Variants in RSPO2 observed in about 807,000 individuals in gnomAD.
RSPO2 encodes the protein R-spondin 2.
In RSPO2, 14 loss-of-function variants were observed where a neutral mutation model predicts 30.9. That is an observed-to-expected ratio of 0.45 (90% CI 0.30 to 0.71). RSPO2 has a LOEUF of 0.71. RSPO2 is among the 30% of genes least tolerant of loss of function. RSPO2 has a pLI of 0.08. For synonymous variants in RSPO2, 107 were observed against 96.4 expected, an observed-to-expected ratio of 1.11 and a Z score of -0.64; for missense variants, 264 against 301.9, an observed-to-expected ratio of 0.87 and a Z score of 0.93.
intron 5 of RSPO2, among the ~76,000 whole-genome samples, chr8:107,927,482 A>C (rs1476219352): frequency 1.3e-5 from 2 of 152,148 alleles, no homozygotes; most frequent in African/African-American, 2.4e-5. Context: ...GCCAGTTTTC[A>C]AAGGGAATGC....
intron 5 of RSPO2, among the ~76,000 whole-genome samples, chr8:107,949,726 A>G (rs931150768): frequency 6.6e-6 from 1 of 152,198 alleles, no homozygotes; most frequent in Non-Finnish European, 1.5e-5. Flanking sequence ...AGAATTTGGG[A>G]AGTTGAGAGG....
chr8:108,024,016 T>C (rs1250710837), intron 2 of RSPO2, among the ~76,000 whole-genome samples: 2 of 152,142 alleles, frequency 1.3e-5, no homozygotes, highest in Admixed American at 6.5e-5. Context: ...ATGAATTAAA[T>C]TACTAAAATT....
intron 5 of RSPO2, among the ~76,000 whole-genome samples, chr8:107,903,390 G>T (rs1811540062): frequency 6.6e-6 from 1 of 152,082 alleles, no homozygotes; most frequent in African/African-American, 2.4e-5. Flanking sequence ...AGTTAAATAT[G>T]TACTACTTTC....
intron 5 of RSPO2, among the ~76,000 whole-genome samples, chr8:107,928,840 G>T (rs13439194): frequency 0.053 from 8,105 of 152,284 alleles, 353 homozygotes; most frequent in African/African-American, 0.12. Context: ...GTTTAGTCCG[G>T]TTCATGGCGT....
intron 5 of RSPO2, among the ~76,000 whole-genome samples, chr8:107,938,446 G>A (rs1812787819): frequency 6.6e-6 from 1 of 151,950 alleles, no homozygotes; most frequent in Non-Finnish European, 1.5e-5. Flanking sequence ...AACACAAAAG[G>A]TCATTTATTA....
chr8:107,950,704 G>T (rs1813213162), intron 5 of RSPO2, among the ~76,000 whole-genome samples: 1 of 149,256 alleles, frequency 6.7e-6, no homozygotes, highest in African/African-American at 2.5e-5. Context: ...CAACAGGTCA[G>T]TTGTAAAGCA....
intron 2 of RSPO2, among the ~76,000 whole-genome samples, chr8:108,079,948 G>A (rs551992579): frequency 1.3e-5 from 2 of 152,302 alleles, no homozygotes; most frequent in South Asian, 4.1e-4. Context: ...GACATGATTT[G>A]GCCAGTAGTC....
chr8:107,932,699 A>C (rs892192730), intron 5 of RSPO2, among the ~76,000 whole-genome samples: 3 of 152,150 alleles, frequency 2.0e-5, no homozygotes, highest in African/African-American at 7.2e-5. Flanking sequence ...ACAGATGGGC[A>C]GAAAGGTGAG....
intron 5 of RSPO2, among the ~76,000 whole-genome samples, chr8:107,906,928 A>G (rs1004302516): frequency 6.6e-6 from 1 of 151,980 alleles, no homozygotes; most frequent in Non-Finnish European, 1.5e-5. Context: ...AACATTTTAA[A>G]TCTACTCTTT....
chr8:107,984,505 AT>A (rs1814561062), intron 3 of RSPO2, among the ~76,000 whole-genome samples: 1 of 152,218 alleles, frequency 6.6e-6, no homozygotes, highest in Non-Finnish European at 1.5e-5. Flanking sequence ...ACTACTCATA[AT>A]GATAACCTCA....
chr8:108,004,974 T>C (rs946589519), intron 2 of RSPO2, among the ~76,000 whole-genome samples: 1 of 152,218 alleles, frequency 6.6e-6, no homozygotes, highest in Admixed American at 6.5e-5. Flanking sequence ...AGCTAATGTA[T>C]CATATTATGT....
chr8:108,036,422 T>C (rs1336202764), intron 2 of RSPO2, among the ~76,000 whole-genome samples: 1 of 152,216 alleles, frequency 6.6e-6, no homozygotes, highest in Non-Finnish European at 1.5e-5. Flanking sequence ...ACTGACCATC[T>C]TTCAAGTTTC....
intron 2 of RSPO2, among the ~76,000 whole-genome samples, chr8:108,004,604 C>T (rs1417902373): frequency 6.6e-6 from 1 of 152,172 alleles, no homozygotes; most frequent in Non-Finnish European, 1.5e-5. Flanking sequence ...CAAAAGCAAC[C>T]TGCATCTACA....
intron 5 of RSPO2, among the ~76,000 whole-genome samples, chr8:107,914,585 T>C (rs1811921900): frequency 6.6e-6 from 1 of 152,126 alleles, no homozygotes; most frequent in South Asian, 2.1e-4. Flanking sequence ...TATAATAATG[T>C]CTTTATGTAT....
intron 2 of RSPO2, among the ~76,000 whole-genome samples, chr8:107,989,794 G>A (rs1814784403): frequency 6.6e-6 from 1 of 152,108 alleles, no homozygotes; most frequent in Non-Finnish European, 1.5e-5. Flanking sequence ...ATGTTGACAA[G>A]TTAAAATAAG....
At position 108,066,604 on chromosome 8, in the gene RSPO2, A is replaced by G. The variant is rs997725; in HGVS notation, c.94+15941T>C. 7.0e-3 allele frequency among the ~76,000 whole-genome samples: 1,069 copies of G among 152,292 alleles called. 37 individuals carry two copies. The East Asian group carries it at 0.08, about 11-fold the overall frequency. ...CCACTGTCCCAGCTAAACACGTATC[A>G]ACTCTCTTTTCTAAGAACCTGCAAT... On this transcript the variant is annotated intron_variant, in intron 2 of 5. Transcript: ENST00000276659.
chr8:108,001,248 A>T (rs1815239835), intron 2 of RSPO2, among the ~76,000 whole-genome samples: 1 of 152,166 alleles, frequency 6.6e-6, no homozygotes, highest in South Asian at 2.1e-4. Flanking sequence ...TGAATACCCC[A>T]AATCAAGTAA....
chr8:107,910,620 A>G (rs867896063), intron 5 of RSPO2, among the ~76,000 whole-genome samples: 1 of 152,184 alleles, frequency 6.6e-6, no homozygotes, highest in Non-Finnish European at 1.5e-5. Flanking sequence ...ACAAGATAAT[A>G]TGAGGGGATG....
At chr8:107,917,257 G>C (rs574443311) in intron 5 of RSPO2, among the ~76,000 whole-genome samples, 2 of 152,254 alleles carry the variant, frequency 1.3e-5, no homozygotes, top group South Asian at 2.1e-4. Context: ...GGCCAAGGCA[G>C]GCGGATCAGC....
Sources: allele counts gnomAD v4.1 joint callset (sites outside exome capture counted in the v4.1 genomes callset), GRCh38; gene constraint gnomAD v4.1.1; transcripts MANE v1.5; gene names NCBI Gene and HGNC (gene_info 2026-07-23, HGNC 2026-07-21).